Variants in SUPT3H observed in about 807,000 individuals in gnomAD.
The protein encoded by SUPT3H is SPT3 homolog, SAGA and STAGA complex component.
SUPT3H carries 44 observed loss-of-function variants against 44.3 expected under a neutral mutation model. That is an observed-to-expected ratio of 0.99 (90% CI 0.78 to 1.28). The LOEUF is 1.28. Among genes scored for constraint, SUPT3H ranks in the 50% most tolerant of loss-of-function variants. The pLI is 0.00. For synonymous variants in SUPT3H, 124 were observed against 125.6 expected, an observed-to-expected ratio of 0.99 and a Z score of 0.09; for missense variants, 380 against 387.1, an observed-to-expected ratio of 0.98 and a Z score of 0.15.
intron 7 of SUPT3H, among the ~76,000 whole-genome samples, chr6:44,958,122 C>A (rs1446898070): frequency 3.3e-5 from 5 of 152,156 alleles, no homozygotes; most frequent in African/African-American, 1.2e-4. Flanking sequence ...GACTAACAAA[C>A]AGAATCCTGA....
intron 2 of SUPT3H, among the ~76,000 whole-genome samples, chr6:45,128,338 C>T (rs1407456174): frequency 1.3e-5 from 2 of 150,638 alleles, no homozygotes; most frequent in African/African-American, 2.4e-5. Context: ...AACCCCGTCT[C>T]TACTAAAATA....
In SUPT3H at chr6:44,915,116, A is replaced by C. The variant is rs9357460; in HGVS notation, c.912+17537T>G. On this transcript the variant is annotated intron_variant, in intron 10 of 10. Transcript: ENST00000371459. ...AGTGCTAAGAAGCCATCTTGGGATA[A>C]AAGTAAAGAGAGTGGCAAAATTCTC... Among the ~76,000 whole-genome samples the C allele has an allele frequency of 4.6e-4, 70 of 152,300 alleles. No individual in the cohort carries two copies. In the East Asian group the frequency reaches 0.014, roughly 29 times the overall value.
intron 2 of SUPT3H, among the ~76,000 whole-genome samples, chr6:45,113,827 C>A (rs369093560): frequency 1.1e-3 from 125 of 112,616 alleles, no homozygotes; most frequent in East Asian, 1.5e-3. Context: ...AAGACTCCAT[C>A]AAAAAAAAAA....
chr6:44,968,815 G>A (rs764527891), intron 6 of SUPT3H, among the ~76,000 whole-genome samples: 10 of 152,026 alleles, frequency 6.6e-5, no homozygotes, highest in Non-Finnish European at 1.3e-4. Context: ...TCTAAACTAA[G>A]CACTGCATCA....
intron 2 of SUPT3H, among the ~76,000 whole-genome samples, chr6:45,292,967 A>AT (rs1780552974): frequency 6.6e-6 from 1 of 151,914 alleles, no homozygotes; most frequent in Non-Finnish European, 1.5e-5. Flanking sequence ...GATTTAAACT[A>AT]TACCTTGGAA....
At chr6:45,283,448 A>T (rs1392801856) in intron 2 of SUPT3H, among the ~76,000 whole-genome samples, 1 of 152,180 alleles carries the variant, frequency 6.6e-6, no homozygotes, top group Non-Finnish European at 1.5e-5. Flanking sequence ...AGTATCTGAT[A>T]AAACAGACTT....
rs1462767373 is a variant in SUPT3H, at chr6:45,351,788, C to T, written c.101+13413G>A. Among the ~76,000 whole-genome samples, 10 of 152,202 alleles carry T rather than the reference C, an allele frequency of 6.6e-5. 1 individual carries two copies. The East Asian group carries it at 1.9e-3, about 29-fold the overall frequency. On this transcript the variant is annotated intron_variant, in intron 2 of 10. Coordinates refer to ENST00000371459, the MANE Select transcript of SUPT3H (RefSeq NM_003599.4). ...TTCAATAGCCTTCTGCCACATCTGC[C>T]CTTCAAATACCTAAATTAACCCAAT...
rs779319830 is a variant in SUPT3H, at chr6:45,304,740, G to T, written c.101+60461C>A. On this transcript the variant is annotated intron_variant, in intron 2 of 10. Transcript: ENST00000371459. The stretch of plus-strand genomic sequence containing the variant: ...GATTTTTTTCCAGTTGCTTATCCTC[G>T]CAAAGTAACCATTTAATGGGTAAGA... Among the ~76,000 whole-genome samples the T allele has an allele frequency of 1.9e-4, 6 of 31,132 alleles. No individual in the cohort carries two copies. In the South Asian group the frequency reaches 9.5e-3, roughly 49 times the overall value. 20.4% of individuals were successfully genotyped at this position (31,132 alleles called of 152,430 possible).
At chr6:45,062,940 G>A (rs1193352483) in intron 3 of SUPT3H, among the ~76,000 whole-genome samples, 2 of 151,872 alleles carry the variant, frequency 1.3e-5, no homozygotes, top group Admixed American at 6.5e-5. Flanking sequence ...AAGGAAACTC[G>A]AACTGGGTGG....
chr6:45,172,207 G>C (rs1485883027), intron 2 of SUPT3H, among the ~76,000 whole-genome samples: 1 of 151,486 alleles, frequency 6.6e-6, no homozygotes, highest in Non-Finnish European at 1.5e-5. Context: ...AGAGTAGCTG[G>C]GACTATAGGC....
At chr6:44,977,186 T>A (rs1217277979) in intron 6 of SUPT3H, among the ~76,000 whole-genome samples, 2 of 152,216 alleles carry the variant, frequency 1.3e-5, no homozygotes, top group Non-Finnish European at 2.9e-5. Context: ...TGTGAGGCAG[T>A]GTTTCACCTT....
chr6:44,897,545 T>A (rs947857089), intron 10 of SUPT3H, among the ~76,000 whole-genome samples: 3 of 152,198 alleles, frequency 2.0e-5, no homozygotes, highest in Non-Finnish European at 2.9e-5. Context: ...ATGTTTTTAC[T>A]GATAATGTGA....
chr6:45,084,997 T>C (rs972255525), intron 3 of SUPT3H, among the ~76,000 whole-genome samples: 1 of 152,072 alleles, frequency 6.6e-6, no homozygotes, highest in African/African-American at 2.4e-5. Flanking sequence ...GGTTTAAAAC[T>C]ACCTGTTGGG....
intron 6 of SUPT3H, among the ~76,000 whole-genome samples, chr6:44,988,878 G>A (rs1780205550): frequency 6.6e-6 from 1 of 152,022 alleles, no homozygotes; most frequent in Non-Finnish European, 1.5e-5. Flanking sequence ...ACATTTTCTA[G>A]CTTAAATAAA....
intron 2 of SUPT3H, among the ~76,000 whole-genome samples, chr6:45,218,451 C>T (rs980024476): frequency 5.9e-5 from 9 of 152,138 alleles, no homozygotes; most frequent in Non-Finnish European, 1.0e-4. Context: ...TACTAGTGGC[C>T]GGGTACGGTG....
chr6:44,913,318 C>T (rs1387481352), intron 10 of SUPT3H, among the ~76,000 whole-genome samples: 2 of 152,110 alleles, frequency 1.3e-5, no homozygotes, highest in Non-Finnish European at 2.9e-5. Flanking sequence ...TTATCATTGG[C>T]TTTTATTTGG....
intron 10 of SUPT3H, among the ~76,000 whole-genome samples, chr6:44,861,443 G>A (rs1774647395): frequency 6.6e-6 from 1 of 151,788 alleles, no homozygotes; most frequent in Non-Finnish European, 1.5e-5. Flanking sequence ...ATGGAGTACA[G>A]TGGCACAATC....
At chr6:45,370,216 G>A (rs1298950228) in intron 1 of SUPT3H, among the ~76,000 whole-genome samples, 2 of 152,160 alleles carry the variant, frequency 1.3e-5, no homozygotes, top group African/African-American at 4.8e-5. Flanking sequence ...TTTAACAAGC[G>A]GAGATGATGA....
chr6:44,922,924 G>A (rs1179252195), intron 10 of SUPT3H, among the ~76,000 whole-genome samples: 2 of 152,038 alleles, frequency 1.3e-5, no homozygotes, highest in East Asian at 3.8e-4. Context: ...AAAGAATCCT[G>A]TAATTTTTTT....
Sources: allele counts gnomAD v4.1 joint callset (sites outside exome capture counted in the v4.1 genomes callset), GRCh38; gene constraint gnomAD v4.1.1; transcripts MANE v1.5; gene names NCBI Gene and HGNC (gene_info 2026-07-23, HGNC 2026-07-21).